The following SYNDIG1L variants were observed in gnomAD, a reference collection of about 807,000 sequenced individuals.
SYNDIG1L encodes synapse differentiation inducing 1 like.
A neutral mutation model predicts 20.1 loss-of-function variants in SYNDIG1L; 13 were observed. The ratio of observed to expected loss-of-function variants is 0.65; its 90% confidence interval spans 0.42 to 1.03. SYNDIG1L has a LOEUF of 1.03. Ranked by LOEUF, SYNDIG1L falls within the 50% of genes least tolerant of loss-of-function variation. SYNDIG1L has a pLI of 0.00. For synonymous variants in SYNDIG1L, 128 were observed against 129.3 expected (o/e 0.99, Z 0.07); for missense variants, 294 against 305.1 (o/e 0.96, Z 0.27).
upstream of SYNDIG1L, among the ~76,000 whole-genome samples, chr14:74,429,751 A>T (rs986064193): frequency 5.3e-5 from 8 of 152,250 alleles, no homozygotes; most frequent in Non-Finnish European, 1.0e-4. Context: ...AGGATGACAC[A>T]GTTCCAAGGA....
At chr14:74,450,057 A>G in the SYNDIG1L span, among the ~76,000 whole-genome samples, 1 of 152,276 alleles carries the variant, frequency 6.6e-6, no homozygotes, top group African/African-American at 2.4e-5. Context: ...ATTCTACAAA[A>G]TTACAAAGAT....
chr14:74,463,289 G>T, the SYNDIG1L span, among the ~76,000 whole-genome samples: 1 of 152,118 alleles, frequency 6.6e-6, no homozygotes, highest in Admixed American at 6.5e-5. Context: ...GAGTTCCTTT[G>T]CCTTTTGCCC....
upstream of SYNDIG1L, among the ~76,000 whole-genome samples, chr14:74,427,381 C>G (rs2086275017): frequency 6.6e-6 from 1 of 152,080 alleles, no homozygotes; most frequent in Non-Finnish European, 1.5e-5. Context: ...TAGCATCCAG[C>G]TGAGGATGCT....
chr14:74,430,944 A>G (rs1367518594), upstream of SYNDIG1L, among the ~76,000 whole-genome samples: 1 of 152,220 alleles, frequency 6.6e-6, no homozygotes, highest in Non-Finnish European at 1.5e-5. Flanking sequence ...AAGTAACCAG[A>G]GAAGCTAAGT....
the SYNDIG1L span, among the ~76,000 whole-genome samples, chr14:74,454,455 T>C: frequency 6.6e-6 from 1 of 152,194 alleles, no homozygotes; most frequent in Non-Finnish European, 1.5e-5. Context: ...GACACAGGTA[T>C]GCAGTGTAAG....
At chr14:74,430,796 G>A (rs1417117938), upstream of SYNDIG1L, among the ~76,000 whole-genome samples, 32 of 151,952 alleles carry the variant, frequency 2.1e-4, no homozygotes, top group Admixed American at 2.1e-3. Flanking sequence ...GTCTTACTCT[G>A]TCACCCAGGC....
chr14:74,420,125 G>A (rs1315478649), intron 1 of SYNDIG1L, among the ~76,000 whole-genome samples: 1 of 151,996 alleles, frequency 6.6e-6, no homozygotes, highest in African/African-American at 2.4e-5. Flanking sequence ...GGCCAGGCAC[G>A]GTGGCTCACA....
At position 74,417,584 on chromosome 14, in the gene SYNDIG1L, T is replaced by C. The variant is rs145089549; in HGVS notation, c.-57-7783A>G. Among the ~76,000 whole-genome samples, 677 of 152,352 alleles carry C rather than the reference T, an allele frequency of 4.4e-3. 4 individuals are homozygous for C. Among genetic ancestry groups the C allele is most frequent in the African/African-American group, 0.015 (631 of 41,582 alleles). ...CAACAAATGAAGCCGGTTATTATTA[T>C]TCCCCATTGTTTAGATGAGGAAACT... On this transcript the variant is annotated intron_variant, in intron 1 of 3. Coordinates refer to ENST00000331628, the MANE Select transcript of SYNDIG1L (RefSeq NM_001105579.2).
intron 1 of SYNDIG1L, among the ~76,000 whole-genome samples, chr14:74,417,426 G>A (rs1489337835): frequency 2.0e-5 from 3 of 152,240 alleles, no homozygotes; most frequent in African/African-American, 4.8e-5. Flanking sequence ...ACAGTGTGGT[G>A]TATGTGACCA....
upstream of SYNDIG1L, among the ~76,000 whole-genome samples, chr14:74,426,489 G>A (rs1164085958): frequency 6.6e-6 from 1 of 152,100 alleles, no homozygotes; most frequent in Non-Finnish European, 1.5e-5. Flanking sequence ...GCGATGGGAG[G>A]CCCTTGGGCT....
chr14:74,410,884 C>T (rs559300696), intron 1 of SYNDIG1L, among the ~76,000 whole-genome samples: 1 of 152,252 alleles, frequency 6.6e-6, no homozygotes, highest in Non-Finnish European at 1.5e-5. Context: ...AAGGTGGGGC[C>T]TCCTGGGTTC....
At chr14:74,431,643 T>A in the SYNDIG1L span, among the ~76,000 whole-genome samples, 1 of 152,054 alleles carries the variant, frequency 6.6e-6, no homozygotes, top group Non-Finnish European at 1.5e-5. Context: ...AAAGCTGATT[T>A]TTTCCCCCAC....
chr14:74,444,864 T>C, the SYNDIG1L span, among the ~76,000 whole-genome samples: 1 of 152,256 alleles, frequency 6.6e-6, no homozygotes, highest in South Asian at 2.1e-4. Context: ...CCTCAAATCC[T>C]GATTCATTCA....
the SYNDIG1L span, among the ~76,000 whole-genome samples, chr14:74,473,241 A>T: frequency 6.6e-6 from 1 of 151,978 alleles, no homozygotes; most frequent in Non-Finnish European, 1.5e-5. Flanking sequence ...AAAAATTAGC[A>T]GGGTGTGGTG....
At chr14:74,423,557 T>A (rs2086241130) in intron 1 of SYNDIG1L, among the ~76,000 whole-genome samples, 1 of 152,184 alleles carries the variant, frequency 6.6e-6, no homozygotes, top group Non-Finnish European at 1.5e-5. Flanking sequence ...CACAGAATAA[T>A]TCGGCGAGGT....
the SYNDIG1L span, among the ~76,000 whole-genome samples, chr14:74,477,026 C>T: frequency 6.9e-6 from 1 of 145,234 alleles, no homozygotes; most frequent in African/African-American, 2.6e-5. Flanking sequence ...TGTCTCCCCC[C>T]AGCCCCATTC....
chr14:74,419,513 G>T (rs749972801), intron 1 of SYNDIG1L, among the ~76,000 whole-genome samples: 2 of 152,166 alleles, frequency 1.3e-5, no homozygotes, highest in Admixed American at 6.5e-5. Flanking sequence ...AGGCACATTT[G>T]GTTCTGCACA....
the SYNDIG1L span, among the ~76,000 whole-genome samples, chr14:74,457,210 G>T: frequency 6.6e-6 from 1 of 151,954 alleles, no homozygotes; most frequent in Non-Finnish European, 1.5e-5. Flanking sequence ...GCTCCACAAG[G>T]CGTCACCCCA....
At chr14:74,473,881 G>C in the SYNDIG1L span, 1 of 152,334 alleles carries the variant, frequency 6.6e-6, no homozygotes, top group South Asian at 2.1e-4. Flanking sequence ...CATTTCAGGA[G>C]AGCCAGCTGC....
Sources: allele counts gnomAD v4.1 joint callset (sites outside exome capture counted in the v4.1 genomes callset), GRCh38; gene constraint gnomAD v4.1.1; transcripts MANE v1.5; gene names NCBI Gene and HGNC (gene_info 2026-07-23, HGNC 2026-07-21).